CTTN: variants seen among roughly 807,000 people sequenced by gnomAD.
CTTN encodes src substrate cortactin.
A neutral mutation model predicts 84.0 loss-of-function variants in CTTN; 28 were observed. The observed-to-expected ratio is 0.33, with a 90% CI of 0.25 to 0.46. The LOEUF (loss-of-function observed/expected upper bound fraction) is 0.46. Ranked by LOEUF, CTTN falls within the 20% of genes least tolerant of loss-of-function variation. The pLI, the probability that CTTN is intolerant of heterozygous loss-of-function variation, is 1.00. For missense variants in CTTN, 641 were observed against 723.8 expected (o/e 0.89, Z 1.31); for synonymous variants, 301 against 288.8 (o/e 1.04, Z -0.43).
At position 70,436,242 on chromosome 11, in the gene CTTN, G is replaced by A; in HGVS notation, c.*1080G>A. The A allele has an allele frequency of 6.3e-7, 1 of 1,592,466 alleles. No homozygotes were observed. Among genetic ancestry groups the A allele is most frequent in the Non-Finnish European group, 8.5e-7 (1 of 1,176,410 alleles). On this transcript the variant is annotated 3_prime_UTR_variant, in exon 18 of 18. Transcript: ENST00000301843. ...CCCCAAGGTCCCCCCACAGCTCCAG[G>A]ACACCGCTGTCCTGGCATTTGTGGC...
Position 70,433,143 on chromosome 11 carries a change from G to A in CTTN, c.1309G>A (p.Val437Met), listed in dbSNP as rs750754717. ...GGCAGAGCTGAGCTACAGAGGCCCTGTGAGTGGGACGGAGCCGGAGCCCGT... is the reference window on the plus strand; with the variant it reads ...GGCAGAGCTGAGCTACAGAGGCCCTATGAGTGGGACGGAGCCGGAGCCCGT... Reference protein sequence around the residue: ...FKAELSYRGPVSGTEPEPVYS... With the variant: ...FKAELSYRGPMSGTEPEPVYS... The change falls in exon 16 of 18, where the codon GTG (valine) becomes ATG (methionine). Residue 437 changes from valine (V) to methionine (M), a missense_variant. Physicochemically the swap from Val to Met is conservative, Grantham distance 21. Coordinates refer to ENST00000301843, the MANE Select transcript of CTTN (RefSeq NM_005231.4). 5 of 1,613,906 alleles carry A rather than the reference G, an allele frequency of 3.1e-6. No homozygotes were observed. The highest frequency in any genetic ancestry group is 4.5e-5 in the East Asian group (2 of 44,882).
intron 2 of CTTN, among the ~76,000 whole-genome samples, chr11:70,405,875 G>A (rs2058036336): frequency 2.0e-5 from 3 of 152,220 alleles, no homozygotes; most frequent in Non-Finnish European, 2.9e-5. Context: ...TCTCAGTGGT[G>A]GGAACCATGG....
rs1412842628 is a variant in CTTN at position 70,433,291 on chromosome 11, C to G, written c.1444+13C>G. 2 of 1,599,730 alleles carry G rather than the reference C, an allele frequency of 1.3e-6. No individual in the cohort carries two copies. The highest frequency in any genetic ancestry group is 2.7e-5 in the African/African-American group (2 of 74,472). The stretch of plus-strand genomic sequence containing the variant: ...CACTATCCCGCAGGTACTGGGGCCC[C>G]ACGCTGCAGCGCCCTGCCCAGGGCA... On this transcript the variant is annotated intron_variant, in intron 16 of 17. Transcript: ENST00000301843.
intron 5 of CTTN, among the ~76,000 whole-genome samples, chr11:70,414,173 G>A (rs1405148129): frequency 1.3e-5 from 2 of 152,092 alleles, no homozygotes; most frequent in Non-Finnish European, 2.9e-5. Context: ...GTGAAACCCC[G>A]TCTCTACTAA....
chr11:70,417,041 T>C lies in CTTN; in HGVS notation c.486T>C (p.Tyr162=), dbSNP rs773797219. 6.2e-7 allele frequency: 1 copy of C among 1,614,220 alleles called. No individual in the cohort carries two copies. Among genetic ancestry groups the C allele is most frequent in the South Asian group, 1.1e-5 (1 of 91,080 alleles). ...KDYSSGFGGK[Y]GVQADRVDKS... Reference sequence around the variant, plus strand: ...ACTCCAGTGGTTTTGGCGGCAAGTATGGCGTGCAGGCCGACCGAGTAGACA... The same window carrying C: ...ACTCCAGTGGTTTTGGCGGCAAGTACGGCGTGCAGGCCGACCGAGTAGACA... Residue 162 remains tyrosine, a synonymous_variant, in exon 8 of 18, where the codon TAT becomes TAC. Transcript: ENST00000301843.
chr11:70,424,151 T>G, intron 12 of CTTN, among the ~76,000 whole-genome samples: 1 of 149,984 alleles, frequency 6.7e-6, no homozygotes, highest in Non-Finnish European at 1.5e-5. Context: ...GGGAGGGGAG[T>G]AGGCACGCGG....
chr11:70,402,026 G>T (rs1200064485), intron 1 of CTTN, among the ~76,000 whole-genome samples: 1 of 151,660 alleles, frequency 6.6e-6, no homozygotes, highest in African/African-American at 2.4e-5. Context: ...GATGGCGCAT[G>T]CCTGTAATCC....
At position 70,435,170 on chromosome 11, in the gene CTTN, AG is replaced by A; in HGVS notation, c.*9del. 2 of 1,596,050 alleles carry A rather than the reference AG, an allele frequency of 1.3e-6. No homozygotes were observed. Among genetic ancestry groups the A allele is most frequent in the Non-Finnish European group, 1.7e-6 (2 of 1,172,464 alleles). ...GTGGAGCTGCGGCAGTAGGGCCCCC[AG>A]CCCCCCCCCGGAGCTGCGCCCTGGA... On this transcript the variant is annotated 3_prime_UTR_variant, in exon 18 of 18. Transcript: ENST00000301843.
chr11:70,434,460 C>T (rs1441114019), intron 17 of CTTN, among the ~76,000 whole-genome samples: 3 of 152,280 alleles, frequency 2.0e-5, no homozygotes, highest in Admixed American at 6.5e-5. Context: ...TCCATCAGCG[C>T]GGAAGCTGGC....
At position 70,436,267 on chromosome 11, in the gene CTTN, CCACT is replaced by C. The variant is rs781073979; in HGVS notation, c.*1110_*1113del. 29 of 1,597,046 alleles carry C rather than the reference CCACT, an allele frequency of 1.8e-5. No homozygotes were observed. In the Admixed American group the frequency reaches 2.8e-4, roughly 16 times the overall value. The stretch of plus-strand genomic sequence containing the variant: ...GACACCGCTGTCCTGGCATTTGTGG[CCACT>C]CACTTTGTAGGAAACTCATCTCCTT... On this transcript the variant is annotated 3_prime_UTR_variant, in exon 18 of 18. Transcript: ENST00000301843.
chr11:70,407,535 G>GGA lies in CTTN; in HGVS notation c.107_108dup (p.Gln37SerfsTer23). ...CTTTTCAGAATGATGTGAGTGAGAA[G>GGA]GAGCAAAGATGGGGTGCCAAGACGG... On this transcript the variant is annotated frameshift_variant, in exon 4 of 18. Coordinates refer to ENST00000301843, the MANE Select transcript of CTTN (RefSeq NM_005231.4). LOFTEE classifies it high-confidence loss of function. 1 of 1,613,828 alleles carries GGA rather than the reference G, an allele frequency of 6.2e-7. No homozygotes were observed. The highest frequency in any genetic ancestry group is 8.5e-7 in the Non-Finnish European group (1 of 1,179,898).
At chr11:70,413,995 G>T (rs2058126028) in intron 5 of CTTN, among the ~76,000 whole-genome samples, 1 of 152,164 alleles carries the variant, frequency 6.6e-6, no homozygotes, top group African/African-American at 2.4e-5. Context: ...GCCCCGACCT[G>T]TGTCCAGGGT....
chr11:70,401,726 C>T (rs2057985251), intron 1 of CTTN, among the ~76,000 whole-genome samples: 2 of 151,092 alleles, frequency 1.3e-5, no homozygotes, highest in Non-Finnish European at 3.0e-5. Context: ...CCTAGCTACT[C>T]GGGAGGCTGA....
chr11:70,423,915 C>T (rs1020041938), intron 12 of CTTN, among the ~76,000 whole-genome samples: 1 of 152,054 alleles, frequency 6.6e-6, no homozygotes, highest in African/African-American at 2.4e-5. Context: ...TGGGGGTTGG[C>T]CTGGGCAGAG....
intron 17 of CTTN, among the ~76,000 whole-genome samples, chr11:70,434,498 C>T (rs1468424822): frequency 6.6e-6 from 1 of 152,282 alleles, no homozygotes; most frequent in Non-Finnish European, 1.5e-5. Context: ...CGCTGGCCGT[C>T]CCCGTTCAGT....
At chr11:70,401,859 G>A (rs2057987092) in intron 1 of CTTN, among the ~76,000 whole-genome samples, 2 of 151,642 alleles carry the variant, frequency 1.3e-5, no homozygotes, top group South Asian at 4.2e-4. Flanking sequence ...AAAAAAGGCT[G>A]GTGGGGGGCT....
rs188537103 is a variant in CTTN at position 70,401,704 on chromosome 11, C to T, written c.-98+3090C>T. On this transcript the variant is annotated intron_variant, in intron 1 of 17. Transcript: ENST00000301843. ...GAAAAATCAGCTTGGTGTGGTGGTG[C>T]ATTCCTGTAGTCCTAGCTACTCGGG... 9.0e-4 allele frequency among the ~76,000 whole-genome samples: 136 copies of T among 151,596 alleles called. 1 individual carries two copies. Among genetic ancestry groups the T allele is most frequent in the Middle Eastern group, 3.4e-3 (1 of 294 alleles).
intron 8 of CTTN, among the ~76,000 whole-genome samples, chr11:70,419,067 G>A (rs563040154): frequency 6.7e-6 from 1 of 148,542 alleles, no homozygotes; most frequent in East Asian, 2.0e-4. Flanking sequence ...GAGCCACTGT[G>A]TCCAGCCTCT....
intron 1 of CTTN, among the ~76,000 whole-genome samples, chr11:70,401,489 AAAAG>A (rs1215384673): frequency 7.3e-5 from 11 of 151,416 alleles, no homozygotes; most frequent in Non-Finnish European, 1.3e-4. Flanking sequence ...AGAAAAAAGA[AAAAG>A]AAAAATTAGC....
Sources: allele counts gnomAD v4.1 joint callset (sites outside exome capture counted in the v4.1 genomes callset), GRCh38; gene constraint gnomAD v4.1.1; transcripts MANE v1.5; gene names NCBI Gene and HGNC (gene_info 2026-07-23, HGNC 2026-07-21).